The following PLCG2 variants were observed in gnomAD, a reference collection of about 807,000 sequenced individuals.
PLCG2 encodes the protein 1-phosphatidylinositol 4,5-bisphosphate phosphodiesterase gamma-2.
In PLCG2, 69 loss-of-function variants were observed where a neutral mutation model predicts 175.6. The observed-to-expected ratio is 0.39, with a 90% confidence interval of 0.32 to 0.48. PLCG2 has a LOEUF of 0.48. Among genes scored for constraint, PLCG2 ranks in the 20% least tolerant of loss-of-function variants. PLCG2 has a pLI of 0.91. For synonymous variants in PLCG2, 827 were observed against 624.0 expected, an observed-to-expected ratio of 1.33 and a Z score of -4.85; for missense variants, 1,798 against 1,650.9, an observed-to-expected ratio of 1.09 and a Z score of -1.54.
rs1021498200 is a variant in PLCG2 at position 81,803,244 on chromosome 16, G to A, written c.193+17062G>A. 2.7e-5 allele frequency among the ~76,000 whole-genome samples: 4 copies of A among 150,464 alleles called. No homozygotes were observed. In the East Asian group the frequency reaches 7.8e-4, roughly 30 times the overall value. ...TGCCATTCTCCTGCCTCAGCCTCCTGAGTAGCTGGGACTACAGGTGCCCAC... is the reference window on the plus strand; with the variant it reads ...TGCCATTCTCCTGCCTCAGCCTCCTAAGTAGCTGGGACTACAGGTGCCCAC... On this transcript the variant is annotated intron_variant, in intron 2 of 32. Coordinates refer to ENST00000564138, the MANE Select transcript of PLCG2 (RefSeq NM_002661.5).
chr16:81,834,669 G>A (rs986993920), intron 2 of PLCG2, among the ~76,000 whole-genome samples: 52 of 152,268 alleles, frequency 3.4e-4, no homozygotes, highest in African/African-American at 1.3e-3. Flanking sequence ...GAAGATTCTG[G>A]TAGGACCCAC....
At chr16:81,815,012 TC>T (rs1432986398) in intron 2 of PLCG2, among the ~76,000 whole-genome samples, 2 of 152,224 alleles carry the variant, frequency 1.3e-5, no homozygotes, top group Admixed American at 1.3e-4. Context: ...GACTGCTTGT[TC>T]CAGTGGCTGT....
At chr16:81,844,034 T>G (rs992334847) in intron 2 of PLCG2, among the ~76,000 whole-genome samples, 1 of 151,406 alleles carries the variant, frequency 6.6e-6, no homozygotes, top group Admixed American at 6.6e-5. Flanking sequence ...TGGAGTGCAG[T>G]GGTGTGACGT....
At chr16:81,901,587 A>AC (rs1363475864) in intron 14 of PLCG2, among the ~76,000 whole-genome samples, 8 of 152,210 alleles carry the variant, frequency 5.3e-5, no homozygotes, top group Non-Finnish European at 8.8e-5. Flanking sequence ...ACTTCAACAG[A>AC]AAAAAAATTA....
chr16:81,896,749 C>G (rs1054875374), intron 13 of PLCG2, among the ~76,000 whole-genome samples: 1 of 152,174 alleles, frequency 6.6e-6, no homozygotes, highest in South Asian at 2.1e-4. Context: ...TTTTTGAATA[C>G]CCACCTGGGG....
At position 81,956,372 on chromosome 16, in the gene PLCG2, C is replaced by CTG. The variant is rs752086488; in HGVS notation, c.3571-323_3571-322insTG. On this transcript the variant is annotated intron_variant, in intron 31 of 32. Coordinates refer to ENST00000564138, the MANE Select transcript of PLCG2 (RefSeq NM_002661.5). The stretch of plus-strand genomic sequence containing the variant: ...AGACACTTTTGCAGTCAGGTAAAGG[C>CTG]CAGAAGGTGACATGTAGACCAAAGG... Among the ~76,000 whole-genome samples the CTG allele has an allele frequency of 4.3e-4, 65 of 152,134 alleles. No homozygotes were observed. In the Middle Eastern group the frequency reaches 0.01, roughly 24 times the overall value.
At position 81,893,636 on chromosome 16, in the gene PLCG2, C is replaced by T. The variant is rs894385945; in HGVS notation, c.987-73C>T. ...GGGCGGAGAAGTTCCCCCACAACAC[C>T]CTGAGGTGCAGGCTTGCCCCCCAAC... On this transcript the variant is annotated intron_variant, in intron 11 of 32. Coordinates refer to ENST00000564138, the MANE Select transcript of PLCG2 (RefSeq NM_002661.5). 1.4e-5 allele frequency: 12 copies of T among 873,356 alleles called. No individual in the cohort carries two copies. In the African/African-American group the frequency reaches 1.5e-4, roughly 11 times the overall value. 54.1% of individuals were successfully genotyped at this position (873,356 alleles called of 1,614,324 possible). A position where few individuals can be genotyped will look rare whatever the true frequency, so the allele number is the denominator to read the frequency against.
intron 31 of PLCG2, among the ~76,000 whole-genome samples, chr16:81,949,169 A>G (rs1911269904): frequency 6.6e-6 from 1 of 152,202 alleles, no homozygotes; most frequent in Admixed American, 6.5e-5. Context: ...GATGCCAAGG[A>G]CCTAATATGA....
chr16:81,798,820 G>T (rs1911589763), intron 2 of PLCG2: 1 of 152,334 alleles, frequency 6.6e-6, no homozygotes, highest in Non-Finnish European at 1.5e-5. Flanking sequence ...GGAGGGGCTG[G>T]CCTCCCCGGC....
intron 1 of PLCG2, among the ~76,000 whole-genome samples, chr16:81,782,339 A>G (rs1314782037): frequency 2.6e-5 from 4 of 152,180 alleles, no homozygotes; most frequent in African/African-American, 4.8e-5. Context: ...TTATAGAATT[A>G]CCCATTAAGA....
chr16:81,893,647 G>T (rs1342803333), intron 11 of PLCG2, 62 bp from the exon 12 acceptor site: 3 of 986,152 alleles, frequency 3.0e-6, no homozygotes, highest in African/African-American at 3.2e-5. Flanking sequence ...CTGAGGTGCA[G>T]GCTTGCCCCC....
intron 2 of PLCG2, among the ~76,000 whole-genome samples, chr16:81,805,189 T>C (rs1911938299): frequency 1.3e-5 from 2 of 152,002 alleles, no homozygotes; most frequent in Non-Finnish European, 2.9e-5. Context: ...ATATCCAAAA[T>C]AGGCAACTCT....
intron 1 of PLCG2, among the ~76,000 whole-genome samples, chr16:81,751,102 T>A (rs1909804536): frequency 6.8e-6 from 1 of 147,352 alleles, no homozygotes; most frequent in African/African-American, 2.5e-5. Context: ...TGCCTCAGCC[T>A]CCTCAGTAGC....
In PLCG2 at chr16:81,828,235, A is replaced by ATTT. The variant is rs67992648; in HGVS notation, c.194-26183_194-26181dup. Among the ~76,000 whole-genome samples, 359 of 59,390 alleles carry ATTT rather than the reference A, an allele frequency of 6.0e-3. 25 individuals carry two copies. The highest frequency in any genetic ancestry group is 0.023 in the African/African-American group (342 of 14,776). The allele number at this position is 59,390 out of a possible 152,430, so 39.0% of individuals were successfully genotyped here. ...CTGTTCCAGACTGTTGAGAAATGTC[A>ATTT]TTTTTTTTTTTTTTTTTTTTTTTTT... On this transcript the variant is annotated intron_variant, in intron 2 of 32. Transcript: ENST00000564138.
intron 2 of PLCG2, among the ~76,000 whole-genome samples, chr16:81,838,081 A>ATTTTTT (rs869179663): frequency 1.6e-5 from 1 of 62,074 alleles, no homozygotes. Flanking sequence ...AAAGATACTA[A>ATTTTTT]TTTTCTTTTT....
At chr16:81,828,071 C>T (rs541572384) in intron 2 of PLCG2, among the ~76,000 whole-genome samples, 13 of 87,430 alleles carry the variant, frequency 1.5e-4, no homozygotes, top group African/African-American at 5.6e-4. Flanking sequence ...GCCTGCGCAA[C>T]AAGAGCAAAA....
intron 2 of PLCG2, chr16:81,852,081 A>T (rs1354399675): frequency 6.6e-6 from 1 of 152,276 alleles, no homozygotes; most frequent in Non-Finnish European, 1.5e-5. Context: ...TGCAAAGCTG[A>T]GATCTCCTTT....
intron 2 of PLCG2, among the ~76,000 whole-genome samples, chr16:81,839,220 C>T (rs1905691162): frequency 1.3e-5 from 2 of 152,050 alleles, no homozygotes; most frequent in African/African-American, 4.8e-5. Context: ...TTAAAGAAAA[C>T]TATCACATAA....
intron 3 of PLCG2, chr16:81,858,031 C>A: frequency 2.0e-6 from 1 of 493,174 alleles, no homozygotes; most frequent in Non-Finnish European, 3.7e-6. Flanking sequence ...GGAAATAACC[C>A]ACTTGTCATC....
Sources: allele counts gnomAD v4.1 joint callset (sites outside exome capture counted in the v4.1 genomes callset), GRCh38; gene constraint gnomAD v4.1.1; transcripts MANE v1.5; gene names NCBI Gene and HGNC (gene_info 2026-07-23, HGNC 2026-07-21).